ECPAS: variants seen among roughly 807,000 people sequenced by gnomAD.
The protein encoded by ECPAS is Ecm29 proteasome adaptor and scaffold, also known as proteasome adapter and scaffold protein ECM29.
Under a neutral mutation model 255.1 loss-of-function variants are expected in ECPAS, and 70 were observed. That is an observed-to-expected ratio of 0.27 (90% CI 0.23 to 0.33). The LOEUF is 0.33. Among genes scored for constraint, ECPAS ranks in the 10% least tolerant of loss-of-function variants. The pLI is 1.00. For missense variants in ECPAS, 1,817 were observed against 2,206.4 expected (o/e 0.82, Z 3.54); for synonymous variants, 784 against 775.0 (o/e 1.01, Z -0.19).
chr9:111,426,139 G>A (rs1263112375), intron 10 of ECPAS, among the ~76,000 whole-genome samples: 2 of 152,130 alleles, frequency 1.3e-5, no homozygotes, highest in African/African-American at 4.8e-5. Flanking sequence ...TTAATTATAT[G>A]ATTCAGGACA....
At chr9:111,368,033 TC>T (rs1186762682) in intron 46 of ECPAS, among the ~76,000 whole-genome samples, 1 of 134,560 alleles carries the variant, frequency 7.4e-6, no homozygotes, top group Admixed American at 7.1e-5. Flanking sequence ...AGACCCTGTC[TC>T]AAAAAAAAAA....
chr9:111,442,214 T>C lies in ECPAS; in HGVS notation c.389+92A>G, dbSNP rs78631690. 4,281 of 801,554 alleles carry C rather than the reference T, an allele frequency of 5.3e-3. 124 individuals carry two copies. In the African/African-American group the frequency reaches 0.063, roughly 12 times the overall value. The allele number at this position is 801,554 out of a possible 1,614,324, so 49.7% of individuals were successfully genotyped here. On this transcript the variant is annotated intron_variant, in intron 5 of 49. Transcript: ENST00000684092. ...GCTAAAACAGCTCAAGACCTCCCATTTGCTCAAGTAAAACCAAATATGTGA... is the reference window on the plus strand; with the variant it reads ...GCTAAAACAGCTCAAGACCTCCCATCTGCTCAAGTAAAACCAAATATGTGA...
chr9:111,419,824 C>T (rs1184614368), intron 16 of ECPAS, among the ~76,000 whole-genome samples, 193 bp downstream of exon 16: 3 of 149,274 alleles, frequency 2.0e-5, no homozygotes, highest in Non-Finnish European at 4.4e-5. Context: ...TAGATATATA[C>T]ATGTAATATT....
intron 3 of ECPAS, among the ~76,000 whole-genome samples, chr9:111,446,937 G>A (rs1265362665): frequency 6.6e-6 from 1 of 152,116 alleles, no homozygotes; most frequent in African/African-American, 2.4e-5. Context: ...CTTCCTACCT[G>A]TCCTGGATCT....
chr9:111,376,242 T>G (rs781719092), intron 37 of ECPAS, among the ~76,000 whole-genome samples: 5 of 152,118 alleles, frequency 3.3e-5, no homozygotes, highest in African/African-American at 4.8e-5. Context: ...TCTTGATATG[T>G]TGTTGTCTCT....
intron 4 of ECPAS, among the ~76,000 whole-genome samples, chr9:111,442,902 T>C (rs910915183): frequency 1.3e-5 from 2 of 152,190 alleles, no homozygotes; most frequent in Non-Finnish European, 2.9e-5. Flanking sequence ...AACTCACCAA[T>C]GCATGATGAA....
At chr9:111,478,101 A>G (rs1173625786) in intron 1 of ECPAS, among the ~76,000 whole-genome samples, 1 of 151,576 alleles carries the variant, frequency 6.6e-6, no homozygotes, top group Non-Finnish European at 1.5e-5. Flanking sequence ...GGGTTTCACC[A>G]TGTTGCCCAG....
intron 12 of ECPAS, among the ~76,000 whole-genome samples, chr9:111,425,050 G>A (rs2098219478): frequency 6.6e-6 from 1 of 152,100 alleles, no homozygotes; most frequent in South Asian, 2.1e-4. Context: ...TGGGTGTGGT[G>A]GTGGCAGGTG....
intron 1 of ECPAS, 127 bp downstream of exon 1, chr9:111,483,989 C>A (rs2098311307): frequency 6.0e-6 from 6 of 998,310 alleles, no homozygotes; most frequent in South Asian, 4.5e-5. Context: ...GCCCACCTGT[C>A]GCCGCCCGCC....
chr9:111,377,238 A>T (rs573595213), intron 36 of ECPAS, among the ~76,000 whole-genome samples: 184 of 152,360 alleles, frequency 1.2e-3, no homozygotes, highest in African/African-American at 4.2e-3. Context: ...GTTAAAGATC[A>T]AATAGTGAAC....
In ECPAS at chr9:111,372,431, G is replaced by T. The variant is rs752836877; in HGVS notation, c.4526C>A (p.Pro1509His). The change falls in exon 42 of 50, where the codon CCT (proline) becomes CAT (histidine). Residue 1509 changes from proline (P) to histidine (H), a missense_variant and splice_region_variant. This residue lies in a region of ECPAS where 960 missense variants were observed against 1,179.0 expected (regional missense o/e 0.81). Transcript: ENST00000684092. The part of the protein sequence containing the change: ...LWTEVWQENV[P>H]GSFGGIRLYL... ...TTAACTCAGGCCACACTACTAACCA[G>T]GTACGTTTTCCTGCCACACTTCGGT... 5 of 1,613,314 alleles carry T rather than the reference G, an allele frequency of 3.1e-6. No homozygotes were observed. In the South Asian group the frequency reaches 4.4e-5, roughly 14 times the overall value.
At position 111,428,099 on chromosome 9, in the gene ECPAS, A is replaced by G. The variant is rs1441529045; in HGVS notation, c.993T>C (p.Ile331=). The change falls in exon 10 of 50, where the codon ATT becomes ATC. Residue 331 remains isoleucine, a synonymous_variant. Transcript: ENST00000684092. ...GTCTAGAGCGGAGGAGATGGGGGAC[A>G]ATCTTTAACTTGACTCTTGTACTGA... is the stretch of plus-strand genomic sequence containing the variant. The part of the protein sequence containing the change: ...DPVSTRVKLK[I]VPHLLRSRQA... 4.3e-6 allele frequency: 7 copies of G among 1,613,396 alleles called. No homozygotes were observed. The Admixed American group carries it at 1.2e-4, about 27-fold the overall frequency.
At chr9:111,439,896 C>G (rs1033768238) in intron 6 of ECPAS, among the ~76,000 whole-genome samples, 1 of 151,762 alleles carries the variant, frequency 6.6e-6, no homozygotes, top group African/African-American at 2.4e-5. Context: ...GTTCCAGACA[C>G]AGCAAGGAGA....
Position 111,361,899 on chromosome 9 carries a change from C to CT in ECPAS, c.*130dup. The CT allele has an allele frequency of 9.0e-7, 1 of 1,110,490 alleles. No homozygotes were observed. The highest frequency in any genetic ancestry group is 2.6e-5 in the East Asian group (1 of 38,140). The allele number at this position is 1,110,490 out of a possible 1,614,324, so 68.8% of individuals were successfully genotyped here. A position where few individuals can be genotyped will look rare whatever the true frequency, so the allele number is the denominator to read the frequency against. ...TAAGGAACAAAATTTAAGGCTTTTT[C>CT]TTTTTATTTCAGCCAAGGAATGATG... is the stretch of plus-strand genomic sequence containing the variant. On this transcript the variant is annotated 3_prime_UTR_variant, in exon 50 of 50. Transcript: ENST00000684092.
At position 111,417,249 on chromosome 9, in the gene ECPAS, T is replaced by A. The variant is rs566185481; in HGVS notation, c.1683+634A>T. On this transcript the variant is annotated intron_variant, in intron 17 of 49. Coordinates refer to ENST00000684092, the MANE Select transcript of ECPAS (RefSeq NM_001364929.1). The stretch of plus-strand genomic sequence containing the variant: ...AGCAAGACCCTGTCTCAAAAAAAAA[T>A]AAAAAAATTTTAAAAAAAGGAGATG... Among the ~76,000 whole-genome samples the A allele has an allele frequency of 4.2e-3, 638 of 150,328 alleles. 10 individuals carry two copies. Among genetic ancestry groups the A allele is most frequent in the Non-Finnish European group, 5.9e-3 (398 of 67,410 alleles).
chr9:111,389,408 G>A, intron 31 of ECPAS, 148 bp downstream of exon 31: 2 of 673,276 alleles, frequency 3.0e-6, no homozygotes, highest in Non-Finnish European at 4.6e-6. Flanking sequence ...TTGAAAGAAG[G>A]AAGAAAGCAT....
intron 28 of ECPAS, among the ~76,000 whole-genome samples, chr9:111,392,047 T>C (rs919553032): frequency 3.9e-4 from 59 of 152,294 alleles, no homozygotes; most frequent in African/African-American, 1.3e-3. Context: ...GAGGCTATTC[T>C]GACTAACATG....
chr9:111,366,383 C>T (rs1374696244), intron 47 of ECPAS, 56 bp from the exon 48 acceptor site: 9 of 1,418,658 alleles, frequency 6.3e-6, no homozygotes, highest in Admixed American at 2.0e-5. Flanking sequence ...CAGTCTAAAA[C>T]TTTCCTGTCA....
In ECPAS at chr9:111,420,031, C is replaced by T. The variant is rs374771520; in HGVS notation, c.1545G>A (p.Leu515=). ...DHIPSRYLLL[L]AAGDPREEVH... is the part of the protein sequence containing the mutation. Reference sequence around the variant, plus strand: ...TTGAAACTTACGGATCTCCTGCAGCCAGTAGCAGCAAATATCTGGAAGGGA... The same window carrying T: ...TTGAAACTTACGGATCTCCTGCAGCTAGTAGCAGCAAATATCTGGAAGGGA... The change falls in exon 16 of 50, where the codon CTG becomes CTA. Residue 515 remains leucine (L), a synonymous_variant. Transcript: ENST00000684092. The T allele has an allele frequency of 6.2e-7, 1 of 1,607,278 alleles. No homozygotes were observed.
Sources: allele counts gnomAD v4.1 joint callset (sites outside exome capture counted in the v4.1 genomes callset), GRCh38; gene constraint gnomAD v4.1.1; regional missense constraint gnomAD v4.1.1; transcripts MANE v1.5; gene names NCBI Gene and HGNC (gene_info 2026-07-23, HGNC 2026-07-21).